Variants in MEF2A observed in about 807,000 individuals in gnomAD.
The protein encoded by MEF2A is myocyte enhancer factor 2A.
A neutral mutation model predicts 55.8 loss-of-function variants in MEF2A; 28 were observed. That is an observed-to-expected ratio of 0.50 (90% CI 0.37 to 0.69). MEF2A has a LOEUF of 0.69. Ranked by LOEUF, MEF2A falls within the 30% of genes least tolerant of loss-of-function variation. The pLI is 0.00. For synonymous variants in MEF2A, 239 were observed against 227.1 expected, an observed-to-expected ratio of 1.05 and a Z score of -0.47; for missense variants, 528 against 626.2, an observed-to-expected ratio of 0.84 and a Z score of 1.67.
At chr15:99,595,907 A>G (rs981449550) in intron 1 of MEF2A, among the ~76,000 whole-genome samples, 1 of 152,188 alleles carries the variant, frequency 6.6e-6, no homozygotes, top group Admixed American at 6.5e-5. Flanking sequence ...CGAGGGAGAT[A>G]GGGATAGCAA....
rs1381649060 is a variant in MEF2A, at chr15:99,700,183, T to TACACACACACAC, written c.859-3178_859-3177insCACACACACACA. 9.5e-4 allele frequency among the ~76,000 whole-genome samples: 44 copies of TACACACACACAC among 46,528 alleles called. 1 individual carries two copies. Among genetic ancestry groups the TACACACACACAC allele is most frequent in the South Asian group, 5.1e-3 (3 of 594 alleles). 30.5% of individuals were successfully genotyped at this position (46,528 alleles called of 152,430 possible). A position where few individuals can be genotyped will look rare whatever the true frequency, so the allele number is the denominator to read the frequency against. ...AGACACATACGTATATATGTGTGTATATATACACACACACACACACACACA... is the reference window on the plus strand; with the variant it reads ...AGACACATACGTATATATGTGTGTATACACACACACACATATACACACACACACACACACACA... On this transcript the variant is annotated intron_variant, in intron 8 of 11. Transcript: ENST00000557942.
chr15:99,653,343 G>C (rs2047165634), intron 4 of MEF2A, among the ~76,000 whole-genome samples: 1 of 152,180 alleles, frequency 6.6e-6, no homozygotes, highest in African/African-American at 2.4e-5. Flanking sequence ...TTGTGGCTCT[G>C]TTCTCAGAGA....
At chr15:99,661,293 T>C (rs2048583282) in intron 4 of MEF2A, among the ~76,000 whole-genome samples, 1 of 152,086 alleles carries the variant, frequency 6.6e-6, no homozygotes, top group Non-Finnish European at 1.5e-5. Context: ...GGAGAATATC[T>C]TCATAATTTT....
intron 7 of MEF2A, among the ~76,000 whole-genome samples, chr15:99,683,296 C>T (rs767538795): frequency 1.3e-5 from 2 of 152,140 alleles, no homozygotes; most frequent in Non-Finnish European, 2.9e-5. Flanking sequence ...AAAATTAGAT[C>T]ATACATATGA....
chr15:99,651,101 G>C (rs1165284466), intron 4 of MEF2A, among the ~76,000 whole-genome samples: 1 of 152,110 alleles, frequency 6.6e-6, no homozygotes, highest in African/African-American at 2.4e-5. Flanking sequence ...TGCAGTATTT[G>C]TGTGAATTGC....
At chr15:99,695,762 G>A (rs550891426) in intron 8 of MEF2A, among the ~76,000 whole-genome samples, 39 of 152,136 alleles carry the variant, frequency 2.6e-4, no homozygotes, top group Non-Finnish European at 5.0e-4. Flanking sequence ...GGTAGGCTGA[G>A]GCAGGAGAAT....
intron 3 of MEF2A, 49 bp downstream of exon 3, chr15:99,633,222 AAAAG>A (rs1215503759): frequency 1.5e-6 from 2 of 1,326,318 alleles, no homozygotes. Context: ...TTCTTTTAAA[AAAAG>A]AACATAGGAC....
intron 1 of MEF2A, among the ~76,000 whole-genome samples, chr15:99,595,755 G>A (rs1051882212): frequency 1.3e-5 from 2 of 152,188 alleles, no homozygotes; most frequent in African/African-American, 2.4e-5. Context: ...GTCACAGAAC[G>A]CGTCATTGAA....
intron 1 of MEF2A, among the ~76,000 whole-genome samples, chr15:99,590,116 T>C (rs1968746065): frequency 1.3e-5 from 2 of 152,110 alleles, no homozygotes; most frequent in Non-Finnish European, 2.9e-5. Context: ...ATTGTAGATA[T>C]CTATTTCTCC....
At chr15:99,662,129 T>C (rs1179786213) in intron 4 of MEF2A, among the ~76,000 whole-genome samples, 4 of 152,206 alleles carry the variant, frequency 2.6e-5, no homozygotes, top group African/African-American at 7.2e-5. Context: ...ATAATTGTCA[T>C]CACAGAGTTA....
At chr15:99,581,163 T>C (rs1322954075) in intron 1 of MEF2A, among the ~76,000 whole-genome samples, 2 of 152,198 alleles carry the variant, frequency 1.3e-5, no homozygotes. Flanking sequence ...GTAAGTAGTC[T>C]GTCAGTATTT....
chr15:99,659,776 G>T (rs1219857003), intron 4 of MEF2A, among the ~76,000 whole-genome samples: 8 of 152,282 alleles, frequency 5.3e-5, no homozygotes, highest in African/African-American at 1.7e-4. Context: ...TTTCCGTTCA[G>T]TGGCAATTTT....
intron 1 of MEF2A, among the ~76,000 whole-genome samples, chr15:99,582,800 A>T (rs1160072127): frequency 6.6e-6 from 1 of 152,118 alleles, no homozygotes; most frequent in Non-Finnish European, 1.5e-5. Context: ...TTTGACATGC[A>T]TGATGCACTC....
chr15:99,671,583 A>G (rs2153630047), intron 5 of MEF2A, 129 bp downstream of exon 5: 1 of 1,610,074 alleles, frequency 6.2e-7, no homozygotes, highest in Middle Eastern at 1.7e-4. Context: ...ATATGTGCTA[A>G]CTCCACATAC....
intron 8 of MEF2A, among the ~76,000 whole-genome samples, chr15:99,700,751 TAAG>T (rs950410400): frequency 2.2e-4 from 34 of 152,092 alleles, no homozygotes; most frequent in African/African-American, 7.7e-4. Context: ...TGTCAGAGGT[TAAG>T]AAAGTGCGTA....
chr15:99,690,009 A>G lies in MEF2A; in HGVS notation c.671-232A>G, dbSNP rs541155831. On this transcript the variant is annotated intron_variant, in intron 7 of 11. Transcript: ENST00000557942. The stretch of plus-strand genomic sequence containing the variant: ...ACTGACGTGATTCTCAGAAGTGTCA[A>G]TTGGAGGATTTTGGATTTTCAGGTT... Among the ~76,000 whole-genome samples the G allele has an allele frequency of 3.3e-5, 5 of 152,314 alleles. No individual in the cohort carries two copies. The East Asian group carries it at 7.7e-4, about 23-fold the overall frequency.
chr15:99,628,590 T>C (rs2042409446), intron 2 of MEF2A, among the ~76,000 whole-genome samples: 1 of 152,192 alleles, frequency 6.6e-6, no homozygotes, highest in African/African-American at 2.4e-5. Context: ...ACCCAAGAGA[T>C]TACCACATGC....
chr15:99,639,235 A>G (rs929924636), intron 3 of MEF2A, among the ~76,000 whole-genome samples: 2 of 152,130 alleles, frequency 1.3e-5, no homozygotes, highest in Admixed American at 6.5e-5. Flanking sequence ...TGTCCTCTTT[A>G]TAATTTTTCC....
At chr15:99,677,196 G>A (rs1313417848) in intron 7 of MEF2A, among the ~76,000 whole-genome samples, 1 of 152,006 alleles carries the variant, frequency 6.6e-6, no homozygotes. Context: ...TGGCACATAA[G>A]CTGAACTAGG....
Sources: gnomAD v4.1 joint callset for allele counts (sites outside exome capture counted in the v4.1 genomes callset) on GRCh38, gnomAD v4.1.1 for gene constraint, MANE v1.5 for transcripts, NCBI Gene and HGNC (gene_info 2026-07-23, HGNC 2026-07-21) for gene names.